DYSF: variants seen among roughly 807,000 people sequenced by gnomAD.
DYSF encodes the protein dystrophy-associated fer-1-like 1.
DYSF carries 212 observed loss-of-function variants against 274.9 expected under a neutral mutation model. That is an observed-to-expected ratio of 0.77 (90% CI 0.69 to 0.86). The LOEUF is 0.86. Among genes scored for constraint, DYSF ranks in the 40% least tolerant of loss-of-function variants. The pLI, the probability that DYSF is intolerant of heterozygous loss-of-function variation, is 0.00. For synonymous variants in DYSF, 1,091 were observed against 1,078.7 expected, an observed-to-expected ratio of 1.01 and a Z score of -0.22; for missense variants, 2,666 against 2,783.2, an observed-to-expected ratio of 0.96 and a Z score of 0.95.
chr2:71,461,909 T>C (rs2081298812), upstream of DYSF, among the ~76,000 whole-genome samples: 2 of 152,208 alleles, frequency 1.3e-5, no homozygotes, highest in South Asian at 4.1e-4. Context: ...GGAAAATCAA[T>C]TTATTAAATG....
chr2:71,622,332 A>G (rs1329774704), intron 41 of DYSF, among the ~76,000 whole-genome samples: 2 of 152,130 alleles, frequency 1.3e-5, no homozygotes, highest in African/African-American at 4.8e-5. Flanking sequence ...ATTAAGGCCC[A>G]TTTATTAGTT....
intron 41 of DYSF, among the ~76,000 whole-genome samples, chr2:71,635,272 C>T (rs1367699982): frequency 6.6e-6 from 1 of 152,194 alleles, no homozygotes; most frequent in African/African-American, 2.4e-5. Context: ...CTGGACAAAA[C>T]ATTCTTTTAA....
chr2:71,666,517 G>C (rs2095013310), intron 47 of DYSF, among the ~76,000 whole-genome samples: 1 of 152,250 alleles, frequency 6.6e-6, no homozygotes, highest in South Asian at 2.1e-4. Flanking sequence ...GTACAGATGT[G>C]TGTGTCCACC....
rs560002464 is a variant in DYSF, at chr2:71,611,412, C to T, written c.4060-53C>T. On this transcript the variant is annotated intron_variant, in intron 37 of 55. Coordinates refer to ENST00000410020, the MANE Select transcript of DYSF (RefSeq NM_001130987.2). ...TGCCCTTCCCCTTCCTGGCCCCAGC[C>T]TTTCCTGGGGCCCGGGGCCTTCTGA... 1.5e-5 allele frequency: 24 copies of T among 1,613,900 alleles called. No individual in the cohort carries two copies. In the East Asian group the frequency reaches 5.3e-4, roughly 36 times the overall value.
chr2:71,563,649 G>A (rs533426126), intron 23 of DYSF, among the ~76,000 whole-genome samples: 11 of 152,296 alleles, frequency 7.2e-5, no homozygotes, highest in Admixed American at 2.0e-4. Context: ...TGAGGAAGGC[G>A]GGTGGTGTCC....
chr2:71,561,643 G>A (rs984497895), intron 22 of DYSF, 109 bp from the exon 23 acceptor site: 2 of 1,334,830 alleles, frequency 1.5e-6, no homozygotes, highest in Admixed American at 1.7e-5. Context: ...GCACCCAGCA[G>A]GCAGGCGGAG....
Position 71,516,325 on chromosome 2 carries a change from C to T in DYSF, c.951+83C>T, listed in dbSNP as rs11898499. 65,368 of 1,372,066 alleles carry T rather than the reference C, an allele frequency of 0.048. 1,918 individuals are homozygous for T. The highest frequency in any genetic ancestry group is 0.11 in the African/African-American group (7,792 of 70,094). The allele number at this position is 1,372,066 out of a possible 1,614,324, so 85.0% of individuals were successfully genotyped here. ...GTGCACACGCGTGTGTGTTTGTGCA[C>T]GTGTGTGCATGTGCACGTCAGTGTG... is the stretch of plus-strand genomic sequence containing the variant. On this transcript the variant is annotated intron_variant, in intron 9 of 55. Coordinates refer to ENST00000410020, the MANE Select transcript of DYSF (RefSeq NM_001130987.2).
intron 3 of DYSF, among the ~76,000 whole-genome samples, chr2:71,493,597 A>T (rs1438909608): frequency 1.3e-5 from 2 of 152,228 alleles, no homozygotes; most frequent in African/African-American, 2.4e-5. Context: ...CACGCCTGTA[A>T]TACCAGCACT....
At chr2:71,474,769 G>A (rs558196081) in intron 1 of DYSF, among the ~76,000 whole-genome samples, 4 of 152,216 alleles carry the variant, frequency 2.6e-5, no homozygotes, top group Non-Finnish European at 5.9e-5. Flanking sequence ...AAGGTAGGAA[G>A]TGGAAAATGA....
intron 3 of DYSF, among the ~76,000 whole-genome samples, chr2:71,489,447 G>C (rs1410480342): frequency 1.3e-5 from 2 of 152,252 alleles, no homozygotes; most frequent in African/African-American, 4.8e-5. Context: ...AGTAGATTAT[G>C]AGGAGATATT....
At chr2:71,524,976 T>C (rs1389845846) in intron 12 of DYSF, among the ~76,000 whole-genome samples, 1 of 152,196 alleles carries the variant, frequency 6.6e-6, no homozygotes, top group Non-Finnish European at 1.5e-5. Context: ...TGGGCATCAC[T>C]TGGACACTTT....
chr2:71,498,163 G>T (rs551803106), intron 3 of DYSF, among the ~76,000 whole-genome samples: 18 of 152,226 alleles, frequency 1.2e-4, no homozygotes, highest in African/African-American at 4.3e-4. Context: ...CCCCGGAAAG[G>T]CCTGGGCAAA....
chr2:71,465,905 A>C (rs774823719), upstream of DYSF, among the ~76,000 whole-genome samples: 2 of 152,138 alleles, frequency 1.3e-5, no homozygotes, highest in Non-Finnish European at 2.9e-5. Context: ...CACTGTGGAG[A>C]CTAGGGAGTG....
intron 22 of DYSF, among the ~76,000 whole-genome samples, chr2:71,557,348 A>C (rs2091410584): frequency 6.6e-6 from 1 of 152,204 alleles, no homozygotes; most frequent in South Asian, 2.1e-4. Flanking sequence ...TGGAGAGGGG[A>C]CTGCCAGGGC....
chr2:71,518,389 T>C lies in DYSF; in HGVS notation c.1002+1350T>C, dbSNP rs558130692. On this transcript the variant is annotated intron_variant, in intron 10 of 55. Coordinates refer to ENST00000410020, the MANE Select transcript of DYSF (RefSeq NM_001130987.2). Reference sequence around the variant, plus strand: ...CTCCTGCCTCAGCCTCCCCAGTAGCTGGGATTAGAGGCGTGTGCTACCACG... The same window carrying C: ...CTCCTGCCTCAGCCTCCCCAGTAGCCGGGATTAGAGGCGTGTGCTACCACG... Among the ~76,000 whole-genome samples the C allele has an allele frequency of 3.9e-3, 589 of 151,312 alleles. 4 individuals are homozygous for C. The highest frequency in any genetic ancestry group is 0.013 in the African/African-American group (555 of 41,230).
intron 1 of DYSF, among the ~76,000 whole-genome samples, chr2:71,468,253 C>G (rs1240425727): frequency 1.3e-5 from 2 of 152,238 alleles, no homozygotes; most frequent in African/African-American, 4.8e-5. Flanking sequence ...GGACACTGGG[C>G]AGGGCACACA....
intron 11 of DYSF, 148 bp from the exon 12 acceptor site, chr2:71,520,641 C>G: frequency 1.4e-6 from 1 of 730,228 alleles, no homozygotes; most frequent in Non-Finnish European, 2.5e-6. Context: ...CTCAAAGTAC[C>G]TTTTGATTCT....
chr2:71,577,725 C>T (rs146414007), intron 30 of DYSF, among the ~76,000 whole-genome samples: 1 of 152,300 alleles, frequency 6.6e-6, no homozygotes, highest in Non-Finnish European at 1.5e-5. Context: ...TTCCGTCTTC[C>T]TGCTGGGACC....
chr2:71,563,869 G>A (rs1331728241), intron 23 of DYSF, among the ~76,000 whole-genome samples, 189 bp from the exon 24 acceptor site: 1 of 152,224 alleles, frequency 6.6e-6, no homozygotes, highest in Non-Finnish European at 1.5e-5. Context: ...GGGGCTCACC[G>A]CCACTCAAGC....
Sources: allele counts gnomAD v4.1 joint callset (sites outside exome capture counted in the v4.1 genomes callset), GRCh38; gene constraint gnomAD v4.1.1; transcripts MANE v1.5; gene names NCBI Gene and HGNC (gene_info 2026-07-23, HGNC 2026-07-21).